The following CSF2RA variants were observed in gnomAD, a reference collection of about 807,000 sequenced individuals.
The protein encoded by CSF2RA is granulocyte-macrophage colony-stimulating factor receptor subunit alpha.
In CSF2RA, 42 loss-of-function variants were observed where a neutral mutation model predicts 51.6. That is an observed-to-expected ratio of 0.81 (90% CI 0.64 to 1.05). The LOEUF is 1.05. Among genes scored for constraint, CSF2RA ranks in the 50% least tolerant of loss-of-function variants. CSF2RA has a pLI of 0.00. For synonymous variants in CSF2RA, 222 were observed against 193.0 expected, an observed-to-expected ratio of 1.15 and a Z score of -1.24; for missense variants, 530 against 501.1, an observed-to-expected ratio of 1.06 and a Z score of -0.55.
chrX:1,285,896 G>T lies in CSF2RA; in HGVS notation c.195G>T (p.Lys65Asn), dbSNP rs1291174114. ...TTFSKCFLTD[K>N]KNRVVEPRLS... ...TCAGCAAGTGTTTCTTAACTGACAAGAAGAACAGAGTCGTGGAACCCAGGG... is the reference window on the plus strand; with the variant it reads ...TCAGCAAGTGTTTCTTAACTGACAATAAGAACAGAGTCGTGGAACCCAGGG... The change falls in exon 4 of 13, where the codon AAG (lysine) becomes AAT (asparagine). Residue 65 changes from lysine to asparagine, a missense_variant. Physicochemically the swap from Lys to Asn is moderately conservative, Grantham distance 94 (BLOSUM62 0). Transcript: ENST00000381529. The T allele has an allele frequency of 6.2e-7, 1 of 1,613,726 alleles. No homozygotes were observed. Among genetic ancestry groups the T allele is most frequent in the Non-Finnish European group, 8.5e-7 (1 of 1,179,850 alleles).
the CSF2RA span, among the ~76,000 whole-genome samples, chrX:1,319,716 T>G: frequency 6.2e-5 from 6 of 97,528 alleles, no homozygotes; most frequent in African/African-American, 3.8e-4. Context: ...CCTTTGCTGT[T>G]TTTTTTTTTT....
chrX:1,271,526 A>T (rs1415528297), intron 1 of CSF2RA, among the ~76,000 whole-genome samples: 28 of 145,392 alleles, frequency 1.9e-4, no homozygotes, highest in Admixed American at 1.6e-3. Context: ...TTATTTATTT[A>T]TTTTTTTGGA....
chrX:1,305,663 T>A (rs2083489744), intron 12 of CSF2RA, 136 bp downstream of exon 12: 1 of 1,602,092 alleles, frequency 6.2e-7, no homozygotes, highest in Non-Finnish European at 8.5e-7. Flanking sequence ...GTGGCTGGAA[T>A]CTGTATCCCA....
chrX:1,324,332 A>G, the CSF2RA span, among the ~76,000 whole-genome samples: 29 of 147,240 alleles, frequency 2.0e-4, no homozygotes, highest in Non-Finnish European at 3.4e-4. Context: ...TGTCTCTAAG[A>G]AAAAGGAAGG....
chrX:1,274,265 C>T (rs1307861802), intron 1 of CSF2RA, among the ~76,000 whole-genome samples: 2 of 151,926 alleles, frequency 1.3e-5, no homozygotes, highest in Non-Finnish European at 2.9e-5. Context: ...CTCAGGAAAT[C>T]GCGATGACAG....
chrX:1,302,688 T>TTTAC (rs2083116577), intron 10 of CSF2RA, among the ~76,000 whole-genome samples: 1 of 148,168 alleles, frequency 6.7e-6, no homozygotes, highest in East Asian at 2.0e-4. Context: ...TATTTTTCTT[T>TTTAC]TTATTTATTT....
chrX:1,275,945 G>A (rs1407768948), intron 2 of CSF2RA, among the ~76,000 whole-genome samples: 3 of 150,826 alleles, frequency 2.0e-5, no homozygotes, highest in South Asian at 2.1e-4. Flanking sequence ...TGCTCACCTC[G>A]GCCTCCCAAA....
At chrX:1,292,510 G>A (rs1435934597) in intron 7 of CSF2RA, among the ~76,000 whole-genome samples, 1 of 152,088 alleles carries the variant, frequency 6.6e-6, no homozygotes, top group African/African-American at 2.4e-5. Context: ...AGGAGGACAG[G>A]GTGATAGTGG....
chrX:1,277,708 G>C (rs1405968055), intron 2 of CSF2RA, among the ~76,000 whole-genome samples: 2 of 151,574 alleles, frequency 1.3e-5, no homozygotes. Flanking sequence ...CGGGCGCAGT[G>C]GCTCATGCCT....
chrX:1,277,150 T>C lies in CSF2RA; in HGVS notation c.-27+2332T>C, dbSNP rs184255946. 1.3e-3 allele frequency among the ~76,000 whole-genome samples: 191 copies of C among 151,250 alleles called. 1 individual carries two copies. The highest frequency in any genetic ancestry group is 4.4e-3 in the African/African-American group (181 of 41,246). On this transcript the variant is annotated intron_variant, in intron 2 of 12. Transcript: ENST00000381529. ...TAGCTGAGAAGACAGGGAAAAGAGG[T>C]GAAGAAATGACAGAAAGCTTAGAAG...
chrX:1,303,895 G>A lies in CSF2RA; in HGVS notation c.947-28G>A, dbSNP rs367688827. ...TTCACATGTCCGTCAACGATTCACCGCAGACGCAAACCTGTGTGTCTCTCC... is the reference window on the plus strand; with the variant it reads ...TTCACATGTCCGTCAACGATTCACCACAGACGCAAACCTGTGTGTCTCTCC... On this transcript the variant is annotated intron_variant, in intron 10 of 12. Transcript: ENST00000381529. 2.7e-5 allele frequency: 43 copies of A among 1,566,138 alleles called. No individual in the cohort carries two copies. In the East Asian group the frequency reaches 6.7e-4, roughly 25 times the overall value.
intron 7 of CSF2RA, among the ~76,000 whole-genome samples, chrX:1,291,931 C>A (rs1235805177): frequency 8.0e-6 from 1 of 125,622 alleles, no homozygotes; most frequent in African/African-American, 2.6e-5. Context: ...CCTGTACCAC[C>A]TCCACTTTAC....
chrX:1,309,726 A>C lies in CSF2RA; in HGVS notation c.*247A>C. On this transcript the variant is annotated 3_prime_UTR_variant, in exon 13 of 13. Coordinates refer to ENST00000381529, the MANE Select transcript of CSF2RA (RefSeq NM_172245.4). ...ACATGGTGAAACCCCATCTGGACTA[A>C]AAATGCAGAAATTTACCCAGGCACG... 1.2e-6 allele frequency: 1 copy of C among 830,766 alleles called. No homozygotes were observed. Among genetic ancestry groups the C allele is most frequent in the Non-Finnish European group, 2.0e-6 (1 of 493,190 alleles). The allele number at this position is 830,766 out of a possible 1,614,324, so 51.5% of individuals were successfully genotyped here. A position where few individuals can be genotyped will look rare whatever the true frequency, so the allele number is the denominator to read the frequency against.
the CSF2RA span, among the ~76,000 whole-genome samples, chrX:1,323,158 TATAAAATAAAATAAA>T: frequency 7.5e-6 from 1 of 133,956 alleles, no homozygotes; most frequent in Admixed American, 7.3e-5. Context: ...ACATTACAAT[TATAAAATAAAATAAA>T]ATAAAATAAA....
intron 2 of CSF2RA, among the ~76,000 whole-genome samples, chrX:1,275,052 G>A (rs771625177): frequency 9.7e-5 from 14 of 144,622 alleles, no homozygotes; most frequent in African/African-American, 3.6e-4. Flanking sequence ...ACATCCTCCT[G>A]AAGGGTCTCC....
intron 2 of CSF2RA, among the ~76,000 whole-genome samples, chrX:1,280,758 C>T (rs71214319): frequency 0.084 from 12,591 of 149,204 alleles, 725 homozygotes; most frequent in Admixed American, 0.13. Flanking sequence ...CCTTTTTCTT[C>T]TTCTTCCTTA....
At chrX:1,293,053 T>C (rs1269652799) in intron 7 of CSF2RA, among the ~76,000 whole-genome samples, 1 of 152,178 alleles carries the variant, frequency 6.6e-6, no homozygotes, top group African/African-American at 2.4e-5. Context: ...AAACCTATTG[T>C]TAACAAGACA....
Position 1,290,388 on chromosome X carries a change from T to C in CSF2RA, c.525T>C (p.His175=), listed in dbSNP as rs1244917822. Residue 175 remains histidine, a synonymous_variant, in exon 7 of 13, where the codon CAT becomes CAC. Coordinates refer to ENST00000381529, the MANE Select transcript of CSF2RA (RefSeq NM_172245.4). ...ATTACATACAAGACTCAGGAACCCA[T>C]GTGGGATGTCACCTGGATAACCTGT... ...CPYYIQDSGT[H]VGCHLDNLSG... The C allele has an allele frequency of 6.8e-6, 11 of 1,613,184 alleles. No homozygotes were observed. Among genetic ancestry groups the C allele is most frequent in the Middle Eastern group, 1.6e-4 (1 of 6,074 alleles).
chrX:1,296,234 C>T lies in CSF2RA; in HGVS notation c.810+778C>T, dbSNP rs1490974382. Among the ~76,000 whole-genome samples the T allele has an allele frequency of 6.8e-5, 10 of 147,460 alleles. 1 individual carries two copies. The East Asian group carries it at 1.9e-3, about 28-fold the overall frequency. Reference sequence around the variant, plus strand: ...CCATGACCTCTGGCGGAACCCTACACTCCCCTACTCACAACCCCTAGTGTA... The same window carrying T: ...CCATGACCTCTGGCGGAACCCTACATTCCCCTACTCACAACCCCTAGTGTA... On this transcript the variant is annotated intron_variant, in intron 9 of 12. Transcript: ENST00000381529.
Sources: allele counts gnomAD v4.1 joint callset (sites outside exome capture counted in the v4.1 genomes callset), GRCh38; gene constraint gnomAD v4.1.1; transcripts MANE v1.5; gene names NCBI Gene and HGNC (gene_info 2026-07-23, HGNC 2026-07-21).